Variants in CACNA1S observed in about 807,000 individuals in gnomAD.
CACNA1S encodes the protein voltage-dependent L-type calcium channel subunit alpha-1S.
Under a neutral mutation model 207.4 loss-of-function variants are expected in CACNA1S, and 126 were observed. The ratio of observed to expected loss-of-function variants is 0.61; its 90% CI spans 0.53 to 0.70. CACNA1S has a LOEUF of 0.70. Among genes scored for constraint, CACNA1S ranks in the 30% least tolerant of loss-of-function variants. CACNA1S has a pLI of 0.00. For synonymous variants in CACNA1S, 960 were observed against 932.7 expected (o/e 1.03, Z -0.53); for missense variants, 2,349 against 2,422.8 (o/e 0.97, Z 0.64).
intron 19 of CACNA1S, among the ~76,000 whole-genome samples, chr1:201,068,591 C>G (rs184297829): frequency 2.0e-5 from 3 of 149,296 alleles, no homozygotes; most frequent in Non-Finnish European, 4.5e-5. Flanking sequence ...TGCGAGAGTT[C>G]GCTGGGCGAG....
rs759834939 is a variant in CACNA1S at position 201,039,813 on chromosome 1, G to T, written c.*18C>A. On this transcript the variant is annotated 3_prime_UTR_variant, in exon 44 of 44. Coordinates refer to ENST00000362061, the MANE Select transcript of CACNA1S (RefSeq NM_000069.3). ...TTGGTCATGCCAGCTCTAAGCCCAT[G>T]CTGATGCTGTGTGGGCATCACAGCC... The T allele has an allele frequency of 1.2e-6, 2 of 1,601,540 alleles. No individual in the cohort carries two copies. The highest frequency in any genetic ancestry group is 2.2e-5 in the East Asian group (1 of 44,880).
chr1:201,067,645 C>T (rs1461658308), intron 19 of CACNA1S, among the ~76,000 whole-genome samples: 1 of 152,170 alleles, frequency 6.6e-6, no homozygotes, highest in African/African-American at 2.4e-5. Flanking sequence ...ATATCCCAGC[C>T]CAAAGGGGCC....
intron 2 of CACNA1S, among the ~76,000 whole-genome samples, chr1:201,109,740 C>T (rs574163685): frequency 6.6e-6 from 1 of 152,334 alleles, no homozygotes; most frequent in South Asian, 2.1e-4. Context: ...CCCATGAAGG[C>T]AAACTTAGTG....
At chr1:201,052,192 C>G (rs1008895020) in intron 32 of CACNA1S, among the ~76,000 whole-genome samples, 1 of 152,256 alleles carries the variant, frequency 6.6e-6, no homozygotes, top group African/African-American at 2.4e-5. Context: ...TGGAGCTTTG[C>G]TCTGCCTTTC....
At chr1:201,047,469 C>G in intron 37 of CACNA1S, 56 bp downstream of exon 37, 1 of 1,449,442 alleles carries the variant, frequency 6.9e-7, no homozygotes, top group Non-Finnish European at 9.7e-7. Context: ...TGGAGAAGCT[C>G]CCCACTCCCA....
In CACNA1S at chr1:201,066,816, C is replaced by T. The variant is rs1661259607; in HGVS notation, c.2657+71G>A. 8 of 1,144,508 alleles carry T rather than the reference C, an allele frequency of 7.0e-6. No homozygotes were observed. The highest frequency in any genetic ancestry group is 3.8e-5 in the Admixed American group (2 of 52,152). The allele number at this position is 1,144,508 out of a possible 1,614,324, so 70.9% of individuals were successfully genotyped here. A position where few individuals can be genotyped will look rare whatever the true frequency, so the allele number is the denominator to read the frequency against. On this transcript the variant is annotated intron_variant, in intron 20 of 43. Coordinates refer to ENST00000362061, the MANE Select transcript of CACNA1S (RefSeq NM_000069.3). This position sits in a 1 kb window ranked among gnomAD's most constrained non-coding sequence, Gnocchi z 4.3. ...CAGGGGCCCACCAACATGGGTGGGA[C>T]TCCCACTACAAAGCCCTGGCACAGA...
In CACNA1S at chr1:201,077,139, G is replaced by C; in HGVS notation, c.1620-12C>G. The C allele has an allele frequency of 6.2e-7, 1 of 1,612,550 alleles. No homozygotes were observed. The highest frequency in any genetic ancestry group is 1.1e-5 in the South Asian group (1 of 91,010). ...GCGACGTCCAATATCTGAAGGAAGA[G>C]GAGGCACAAGGTGGGAGGAGACAGA... On this transcript the variant is annotated splice_polypyrimidine_tract_variant and intron_variant, in intron 11 of 43. Transcript: ENST00000362061.
chr1:201,094,083 T>G, intron 2 of CACNA1S, 62 bp from the exon 3 acceptor site: 1 of 1,606,572 alleles, frequency 6.2e-7, no homozygotes, highest in East Asian at 2.2e-5. Flanking sequence ...CTTGCTCTCT[T>G]CCCTGCAGCC....
At chr1:201,080,266 G>A (rs1661794958) in intron 10 of CACNA1S, among the ~76,000 whole-genome samples, 1 of 152,074 alleles carries the variant, frequency 6.6e-6, no homozygotes, top group African/African-American at 2.4e-5. Context: ...ACAAAGCTCA[G>A]GGATACTGCT....
Position 201,061,990 on chromosome 1 carries a change from C to T in CACNA1S, c.3007G>A (p.Ala1003Thr). 6.2e-7 allele frequency: 1 copy of T among 1,614,218 alleles called. No individual in the cohort carries two copies. The highest frequency in any genetic ancestry group is 2.2e-5 in the East Asian group (1 of 44,894). Residue 1003 changes from alanine (A) to threonine (T), a missense_variant, in exon 24 of 44, where the codon GCC becomes ACC. Transcript: ENST00000362061. ...GAGACCGTGAAGAGGGACATCATGG[C>T]TGAGAGCACATTGTCGAAGTGGAAG... ...SDFHFDNVLS[A>T]MMSLFTVSTF...
At chr1:201,110,139 AG>A (rs1663041405) in intron 2 of CACNA1S, 24 bp downstream of exon 2, 1 of 1,598,676 alleles carries the variant, frequency 6.3e-7, no homozygotes, top group East Asian at 2.2e-5. Flanking sequence ...GCTCGCAGGA[AG>A]GGAGATGGAA....
chr1:201,045,181 A>T (rs1421270020), intron 38 of CACNA1S, among the ~76,000 whole-genome samples: 1 of 152,224 alleles, frequency 6.6e-6, no homozygotes, highest in Non-Finnish European at 1.5e-5. Context: ...TAATGAGAAC[A>T]CAGAATCATT....
At chr1:201,064,186 C>T (rs1374815741) in intron 22 of CACNA1S, among the ~76,000 whole-genome samples, 3 of 152,096 alleles carry the variant, frequency 2.0e-5, no homozygotes. Flanking sequence ...GGGCAGGGGG[C>T]CAGGCAAAGG....
chr1:201,048,681 G>A lies in CACNA1S; in HGVS notation c.4342C>T (p.Leu1448=). 2 of 1,613,102 alleles carry A rather than the reference G, an allele frequency of 1.2e-6. No individual in the cohort carries two copies. Among genetic ancestry groups the A allele is most frequent in the Non-Finnish European group, 1.7e-6 (2 of 1,179,590 alleles). ...FCPHRVACKR[L]VGMNMPLNSD... ...TTCAGGGGCATGTTCATGCCCACCAGCCGCTGTACAGGGAGACGCAGTGGC... is the reference window on the plus strand; with the variant it reads ...TTCAGGGGCATGTTCATGCCCACCAACCGCTGTACAGGGAGACGCAGTGGC... Residue 1448 remains leucine, a synonymous_variant, in exon 36 of 44, where the codon CTG becomes TTG. Coordinates refer to ENST00000362061, the MANE Select transcript of CACNA1S (RefSeq NM_000069.3).
rs200340608 is a variant in CACNA1S at position 201,069,216 on chromosome 1, G to A, written c.2491-20C>T. On this transcript the variant is annotated intron_variant, in intron 18 of 43. Coordinates refer to ENST00000362061, the MANE Select transcript of CACNA1S (RefSeq NM_000069.3). ...AAGGATCTGGGGACAGGGCAGGGGC[G>A]GGAGCAGCCAGTGAGAGGAGGAGGG... The A allele has an allele frequency of 4.2e-5, 68 of 1,612,384 alleles. No homozygotes were observed. The East Asian group carries it at 5.8e-4, about 14-fold the overall frequency.
chr1:201,089,451 G>A lies in CACNA1S; in HGVS notation c.707C>T (p.Thr236Met), dbSNP rs767790285. ...CYFIGTDIVA[T>M]VENEEPSPCA... is the part of the protein sequence containing the mutation. ...GGGCGATGGCTCTTCATTCTCCACC[G>A]TGGCCACGATATCTGGAGGCAGAAG... The change falls in exon 6 of 44, where the codon ACG becomes ATG. Residue 236 changes from threonine to methionine, a missense_variant. Physicochemically the swap from Thr to Met is moderately conservative, Grantham distance 81. Coordinates refer to ENST00000362061, the MANE Select transcript of CACNA1S (RefSeq NM_000069.3). 3.1e-5 allele frequency: 50 copies of A among 1,613,848 alleles called. No individual in the cohort carries two copies. Among genetic ancestry groups the A allele is most frequent in the Admixed American group, 1.7e-4 (10 of 60,002 alleles).
intron 2 of CACNA1S, among the ~76,000 whole-genome samples, chr1:201,101,140 T>A (rs1662645198): frequency 6.6e-6 from 1 of 152,214 alleles, no homozygotes; most frequent in Non-Finnish European, 1.5e-5. Context: ...CAAAGCCAGA[T>A]AAGTTTTCCT....
At chr1:201,043,870 G>A (rs1660383567) in intron 39 of CACNA1S, among the ~76,000 whole-genome samples, 2 of 152,002 alleles carry the variant, frequency 1.3e-5, no homozygotes, top group African/African-American at 4.8e-5. Flanking sequence ...GGTGATATTG[G>A]ACATCTCACA....
intron 23 of CACNA1S, 70 bp downstream of exon 23, chr1:201,062,392 C>T (rs558870113): frequency 3.4e-6 from 5 of 1,472,202 alleles, no homozygotes; most frequent in Non-Finnish European, 4.8e-6. Context: ...CACAGTGCTC[C>T]CTGCCCCGTG....
Sources: gnomAD v4.1 joint callset for allele counts (sites outside exome capture counted in the v4.1 genomes callset) on GRCh38, gnomAD v4.1.1 for gene constraint, Gnocchi (gnomAD v3.1) non-coding constraint, MANE v1.5 for transcripts, NCBI Gene and HGNC (gene_info 2026-07-23, HGNC 2026-07-21) for gene names.